Variants in PRKCB observed in about 807,000 individuals in gnomAD.
PRKCB encodes protein kinase C beta.
PRKCB carries 13 observed loss-of-function variants against 81.5 expected under a neutral mutation model. That is an observed-to-expected ratio of 0.16 (90% CI 0.10 to 0.25). PRKCB has a LOEUF of 0.25. Ranked by LOEUF, PRKCB falls within the 10% of genes least tolerant of loss-of-function variation. PRKCB has a pLI of 1.00. For synonymous variants in PRKCB, 335 were observed against 321.4 expected, an observed-to-expected ratio of 1.04 and a Z score of -0.45; for missense variants, 509 against 875.7, an observed-to-expected ratio of 0.58 and a Z score of 5.29.
At chr16:23,937,186 G>A (rs1964073618) in intron 2 of PRKCB, among the ~76,000 whole-genome samples, 1 of 152,134 alleles carries the variant, frequency 6.6e-6, no homozygotes, top group South Asian at 2.1e-4. Flanking sequence ...TTAAAAATGT[G>A]GACCCTGAGC....
chr16:24,181,746 TG>T (rs1312344475), intron 13 of PRKCB, among the ~76,000 whole-genome samples: 1 of 100,604 alleles, frequency 9.9e-6, no homozygotes, highest in East Asian at 3.3e-4. Context: ...CCAGCCTGCC[TG>T]GGTGACACAG....
chr16:24,011,275 G>T (rs1965199531), intron 3 of PRKCB, among the ~76,000 whole-genome samples: 1 of 152,064 alleles, frequency 6.6e-6, no homozygotes, highest in African/African-American at 2.4e-5. Context: ...AGCATTTCTG[G>T]CATTTGCTTG....
intron 3 of PRKCB, among the ~76,000 whole-genome samples, chr16:24,026,924 C>A (rs1056207132): frequency 3.9e-5 from 6 of 152,206 alleles, no homozygotes; most frequent in Admixed American, 2.0e-4. Context: ...AACTCTGCCT[C>A]CTTAGAGGTT....
chr16:23,912,396 T>A (rs536481318), intron 2 of PRKCB, among the ~76,000 whole-genome samples: 7 of 152,142 alleles, frequency 4.6e-5, no homozygotes, highest in African/African-American at 1.7e-4. Context: ...AGGCCCCTGT[T>A]CTACTGAATC....
chr16:24,052,788 A>G (rs1320334275), intron 5 of PRKCB, among the ~76,000 whole-genome samples: 3 of 152,184 alleles, frequency 2.0e-5, no homozygotes, highest in African/African-American at 7.2e-5. Context: ...CTTCTTTAAC[A>G]CAACCTGTTT....
intron 2 of PRKCB, among the ~76,000 whole-genome samples, chr16:23,895,676 A>C (rs1364621858): frequency 6.6e-6 from 1 of 152,168 alleles, no homozygotes; most frequent in Non-Finnish European, 1.5e-5. Context: ...TGTGCTGCCT[A>C]CCAAATGATG....
intron 16 of PRKCB, among the ~76,000 whole-genome samples, chr16:24,212,344 G>T (rs1458313930): frequency 7.3e-6 from 1 of 136,760 alleles, no homozygotes; most frequent in East Asian, 2.3e-4. Context: ...TTCATTGAAA[G>T]TGCTCACTGG....
chr16:24,117,831 C>T (rs561919665), intron 8 of PRKCB, among the ~76,000 whole-genome samples: 3 of 152,294 alleles, frequency 2.0e-5, no homozygotes, highest in South Asian at 2.1e-4. Context: ...CAAGTCAGCG[C>T]GGAATGCATG....
chr16:24,091,022 A>G (rs4787736), intron 5 of PRKCB, among the ~76,000 whole-genome samples: 14,148 of 152,204 alleles, frequency 0.093, 834 homozygotes, highest in Middle Eastern at 0.18. Flanking sequence ...TGATACATGG[A>G]TAATAGGTGC....
At chr16:24,209,455 T>A (rs1407498538) in intron 16 of PRKCB, among the ~76,000 whole-genome samples, 1 of 152,164 alleles carries the variant, frequency 6.6e-6, no homozygotes, top group Non-Finnish European at 1.5e-5. Context: ...TCCTCTGGAA[T>A]TTTGAACTTA....
At chr16:24,112,804 A>G (rs924393894) in intron 7 of PRKCB, among the ~76,000 whole-genome samples, 169 bp from the exon 8 acceptor site, 2 of 150,490 alleles carry the variant, frequency 1.3e-5, no homozygotes, top group African/African-American at 4.9e-5. Flanking sequence ...TGTACCATGC[A>G]CACTACCCCC....
At chr16:24,196,598 C>G (rs937902915) in intron 16 of PRKCB, among the ~76,000 whole-genome samples, 7 of 152,188 alleles carry the variant, frequency 4.6e-5, no homozygotes, top group African/African-American at 1.7e-4. Context: ...TGCAGAGTGT[C>G]TTAAATTTTA....
Position 24,220,564 on chromosome 16 carries a change from G to T in PRKCB, c.*5748G>T, listed in dbSNP as rs1193484393. ...TGTGAACTATTGTCTCTTGGAGGAA[G>T]TTTTTTGTTTAAGAATTGATATGAT... On this transcript the variant is annotated 3_prime_UTR_variant, in exon 17 of 17. Coordinates refer to ENST00000643927, the MANE Select transcript of PRKCB (RefSeq NM_002738.7). The T allele has an allele frequency of 6.5e-6, 1 of 154,278 alleles. No individual in the cohort carries two copies. Among genetic ancestry groups the T allele is most frequent in the Non-Finnish European group, 1.4e-5 (1 of 69,470 alleles). The allele number at this position is 154,278 out of a possible 1,614,324, so 9.6% of individuals were successfully genotyped here.
chr16:24,162,834 T>G, intron 10 of PRKCB, among the ~76,000 whole-genome samples: 1 of 152,156 alleles, frequency 6.6e-6, no homozygotes, highest in African/African-American at 2.4e-5. Context: ...AAGCCCTGAC[T>G]TGACCACTAT....
chr16:24,172,392 T>G, intron 11 of PRKCB, 31 bp downstream of exon 11: 2 of 1,587,652 alleles, frequency 1.3e-6, no homozygotes, highest in African/African-American at 1.3e-5. Context: ...TGCTTTCTCC[T>G]TGGGATAAAT....
intron 8 of PRKCB, among the ~76,000 whole-genome samples, chr16:24,119,358 G>A (rs979982988): frequency 6.6e-6 from 1 of 151,992 alleles, no homozygotes; most frequent in African/African-American, 2.4e-5. Flanking sequence ...CCCCAAAAAA[G>A]TCCTTATCTG....
rs1194072693 is a variant in PRKCB at position 24,219,195 on chromosome 16, C to CA, written c.*4386dup. 3 of 985,068 alleles carry CA rather than the reference C, an allele frequency of 3.0e-6. No homozygotes were observed. The highest frequency in any genetic ancestry group is 3.6e-6 in the Non-Finnish European group (3 of 829,918). 61.0% of individuals were successfully genotyped at this position (985,068 alleles called of 1,614,324 possible). On this transcript the variant is annotated 3_prime_UTR_variant, in exon 17 of 17. Transcript: ENST00000643927. Reference sequence around the variant, plus strand: ...ATTTCTTCTCCACCTCCCTACTGAACAAAAAAAGAAATGCCAGACTTACTA... The same window carrying CA: ...ATTTCTTCTCCACCTCCCTACTGAACAAAAAAAAGAAATGCCAGACTTACTA...
intron 3 of PRKCB, among the ~76,000 whole-genome samples, chr16:23,993,556 A>G (rs1320148680): frequency 3.9e-5 from 6 of 152,296 alleles, no homozygotes; most frequent in Non-Finnish European, 2.9e-5. Context: ...GTCTCTGTCA[A>G]TACTTTGAGA....
intron 2 of PRKCB, among the ~76,000 whole-genome samples, chr16:23,885,868 G>A (rs1010957224): frequency 2.0e-5 from 3 of 152,228 alleles, no homozygotes; most frequent in Non-Finnish European, 4.4e-5. Context: ...GGTTGATCTT[G>A]TAGTAAGGTG....
Sources: gnomAD v4.1 joint callset for allele counts (sites outside exome capture counted in the v4.1 genomes callset) on GRCh38, gnomAD v4.1.1 for gene constraint, MANE v1.5 for transcripts, NCBI Gene and HGNC (gene_info 2026-07-23, HGNC 2026-07-21) for gene names.